KCNQ5: variants seen among roughly 807,000 people sequenced by gnomAD.
The protein encoded by KCNQ5 is potassium voltage-gated channel subfamily Q member 5.
In KCNQ5, 30 loss-of-function variants were observed where a neutral mutation model predicts 98.2. The observed-to-expected ratio is 0.31, with a 90% CI of 0.23 to 0.41. The LOEUF is 0.41. KCNQ5 is among the 10% of genes least tolerant of loss of function. The pLI, the probability that KCNQ5 is intolerant of heterozygous loss-of-function variation, is 1.00. For missense variants in KCNQ5, 835 were observed against 1,182.5 expected (o/e 0.71, Z 4.31); for synonymous variants, 458 against 449.4 (o/e 1.02, Z -0.24).
At chr6:72,708,040 G>A (rs1283447958) in intron 1 of KCNQ5, among the ~76,000 whole-genome samples, 3 of 152,234 alleles carry the variant, frequency 2.0e-5, no homozygotes, top group South Asian at 4.2e-4. Context: ...GCTATCCAGG[G>A]CAAAACAGAG....
chr6:73,089,980 T>C (rs1582334407), intron 5 of KCNQ5, among the ~76,000 whole-genome samples: 1 of 152,334 alleles, frequency 6.6e-6, no homozygotes, highest in East Asian at 1.9e-4. Flanking sequence ...CTTTAAGGAA[T>C]CTCCACACTA....
chr6:73,075,374 C>A (rs1038421287), intron 3 of KCNQ5, among the ~76,000 whole-genome samples: 1 of 152,020 alleles, frequency 6.6e-6, no homozygotes, highest in African/African-American at 2.4e-5. Flanking sequence ...AGGCACGTGC[C>A]ACCACACCCA....
At chr6:72,812,052 G>C (rs574929554) in intron 1 of KCNQ5, among the ~76,000 whole-genome samples, 1 of 152,108 alleles carries the variant, frequency 6.6e-6, no homozygotes, top group African/African-American at 2.4e-5. Context: ...ATTTGTAAAC[G>C]GTCATGGGGC....
Position 72,957,263 on chromosome 6 carries a change from C to A in KCNQ5, c.399-46645C>A, listed in dbSNP as rs553811442. Among the ~76,000 whole-genome samples the A allele has an allele frequency of 7.4e-4, 113 of 151,830 alleles. 3 individuals carry two copies. In the South Asian group the frequency reaches 0.023, roughly 32 times the overall value. On this transcript the variant is annotated intron_variant, in intron 1 of 13. Transcript: ENST00000370398. Reference sequence around the variant, plus strand: ...TCAGCTCATTGCAACCTCCACCTCCCAGGTTTAAGCAATTATCCAGCCTCA... The same window carrying A: ...TCAGCTCATTGCAACCTCCACCTCCAAGGTTTAAGCAATTATCCAGCCTCA...
At chr6:73,012,614 A>G (rs2153832) in intron 2 of KCNQ5, among the ~76,000 whole-genome samples, 151,530 of 152,162 alleles carry the variant, frequency 1, 75,454 homozygotes, top group Middle Eastern at 1. Flanking sequence ...AAATGGTTAA[A>G]CTGTAAATTT....
At chr6:72,995,132 G>T (rs1024819534) in intron 1 of KCNQ5, among the ~76,000 whole-genome samples, 2 of 152,148 alleles carry the variant, frequency 1.3e-5, no homozygotes, top group African/African-American at 4.8e-5. Flanking sequence ...ACTTTGGGAA[G>T]CCAAGGCGAG....
chr6:72,644,885 G>C (rs1229501516), intron 1 of KCNQ5, among the ~76,000 whole-genome samples: 1 of 152,140 alleles, frequency 6.6e-6, no homozygotes, highest in Non-Finnish European at 1.5e-5. Context: ...ATTGCTCATA[G>C]TGAATATTCT....
chr6:72,718,403 A>T (rs2154475256), intron 1 of KCNQ5, among the ~76,000 whole-genome samples: 1 of 137,938 alleles, frequency 7.2e-6, no homozygotes, highest in Non-Finnish European at 1.6e-5. Flanking sequence ...TCAATTGGAG[A>T]TTGAGGAGCT....
At chr6:72,666,124 T>A (rs1766798310) in intron 1 of KCNQ5, among the ~76,000 whole-genome samples, 2 of 152,182 alleles carry the variant, frequency 1.3e-5, no homozygotes, top group Admixed American at 6.5e-5. Flanking sequence ...TCTGTAAGAG[T>A]AGAAGACGTC....
chr6:73,171,774 T>G (rs1778025960), intron 11 of KCNQ5, among the ~76,000 whole-genome samples: 1 of 152,130 alleles, frequency 6.6e-6, no homozygotes, highest in Non-Finnish European at 1.5e-5. Flanking sequence ...TAAAAGACCC[T>G]AAAGTAAAGG....
chr6:72,744,466 A>G (rs2154476316), intron 1 of KCNQ5, among the ~76,000 whole-genome samples: 1 of 152,316 alleles, frequency 6.6e-6, no homozygotes, highest in African/African-American at 2.4e-5. Flanking sequence ...TATATGTACT[A>G]TGATGTTTCT....
chr6:72,867,861 A>G (rs1335880431), intron 1 of KCNQ5, among the ~76,000 whole-genome samples: 2 of 151,976 alleles, frequency 1.3e-5, no homozygotes, highest in Admixed American at 6.6e-5. Context: ...CTTGAGCCTC[A>G]ACACACAAGA....
At chr6:72,701,846 A>G (rs1486518707) in intron 1 of KCNQ5, among the ~76,000 whole-genome samples, 1 of 152,118 alleles carries the variant, frequency 6.6e-6, no homozygotes, top group East Asian at 1.9e-4. Context: ...GATGTGCACC[A>G]TGAAGCCTGC....
chr6:72,625,491 C>G (rs1543621), intron 1 of KCNQ5, among the ~76,000 whole-genome samples: 60,770 of 152,032 alleles, frequency 0.4, 13,051 homozygotes, highest in Middle Eastern at 0.51. Context: ...TTTTTAATTC[C>G]TCCTTGTTTA....
intron 1 of KCNQ5, among the ~76,000 whole-genome samples, chr6:72,810,801 A>T (rs1775204577): frequency 6.6e-6 from 1 of 152,218 alleles, no homozygotes; most frequent in Non-Finnish European, 1.5e-5. Flanking sequence ...TCTGAAACAT[A>T]GACATGTGTT....
intron 2 of KCNQ5, among the ~76,000 whole-genome samples, chr6:73,024,888 C>T (rs968807798): frequency 6.6e-6 from 1 of 152,224 alleles, no homozygotes; most frequent in African/African-American, 2.4e-5. Flanking sequence ...CACCTTCCCA[C>T]CAGCACAGTG....
chr6:73,080,072 A>G (rs1407321645), intron 5 of KCNQ5, among the ~76,000 whole-genome samples: 1 of 152,166 alleles, frequency 6.6e-6, no homozygotes, highest in Non-Finnish European at 1.5e-5. Context: ...CTTATTACAA[A>G]AAAGAATTGC....
intron 1 of KCNQ5, among the ~76,000 whole-genome samples, chr6:72,788,616 T>G (rs1319159611): frequency 1.3e-5 from 2 of 152,256 alleles, no homozygotes; most frequent in Admixed American, 1.3e-4. Flanking sequence ...AATATTTTAT[T>G]GTTTGAACAA....
intron 11 of KCNQ5, 22 bp from the exon 12 acceptor site, chr6:73,190,551 T>G: frequency 7.8e-7 from 1 of 1,287,508 alleles, no homozygotes; most frequent in Non-Finnish European, 1.1e-6. Flanking sequence ...TAAAGATTAA[T>G]ATGTAATATG....
Sources: allele counts gnomAD v4.1 joint callset (sites outside exome capture counted in the v4.1 genomes callset), GRCh38; gene constraint gnomAD v4.1.1; transcripts MANE v1.5; gene names NCBI Gene and HGNC (gene_info 2026-07-23, HGNC 2026-07-21).